Variants in AFDN observed in about 807,000 individuals in gnomAD.
The protein encoded by AFDN is afadin, adherens junction formation factor, also known as afadin.
A neutral mutation model predicts 216.6 loss-of-function variants in AFDN; 68 were observed. That is an observed-to-expected ratio of 0.31 (90% CI 0.26 to 0.38). The LOEUF (loss-of-function observed/expected upper bound fraction) is 0.38. Among genes scored for constraint, AFDN ranks in the 10% least tolerant of loss-of-function variants. The pLI is 1.00. For synonymous variants in AFDN, 868 were observed against 853.7 expected (o/e 1.02, Z -0.29); for missense variants, 2,136 against 2,342.0 (o/e 0.91, Z 1.82).
chr6:167,827,109 G>T lies in AFDN; in HGVS notation c.-24G>T, dbSNP rs1779171671. ...CCGTCCTCCGGCCCCGGCCCCGCGC[G>T]GCTGAGGAGGCGCGGCCAGGACCAT... On this transcript the variant is annotated 5_prime_UTR_variant, in exon 1 of 34. Coordinates refer to ENST00000683244, the MANE Select transcript of AFDN (RefSeq NM_001386888.1). 1.6e-6 allele frequency: 2 copies of T among 1,218,686 alleles called. No homozygotes were observed. The highest frequency in any genetic ancestry group is 7.2e-5 in the East Asian group (1 of 13,832). The allele number at this position is 1,218,686 out of a possible 1,614,324, so 75.5% of individuals were successfully genotyped here.
Position 167,914,714 on chromosome 6 carries a change from A to G in AFDN, c.2275A>G (p.Asn759Asp). 2 of 1,612,624 alleles carry G rather than the reference A, an allele frequency of 1.2e-6. No individual in the cohort carries two copies. Among genetic ancestry groups the G allele is most frequent in the Non-Finnish European group, 1.7e-6 (2 of 1,178,784 alleles). Residue 759 changes from asparagine to aspartate, a missense_variant, in exon 18 of 34, where the codon AAC becomes GAC. Physicochemically the swap from Asn to Asp is conservative, Grantham distance 23. Coordinates refer to ENST00000683244, the MANE Select transcript of AFDN (RefSeq NM_001386888.1). ...MPAFLDDPEE[N>D]SLQRPKIDDV... ...AGCCTTTCTAGATGACCCTGAAGAG[A>G]ACAGTCTGCAACGACCAAAAATAGG...
chr6:167,850,430 T>C (rs1782169481), intron 1 of AFDN, among the ~76,000 whole-genome samples: 1 of 152,126 alleles, frequency 6.6e-6, no homozygotes, highest in Non-Finnish European at 1.5e-5. Context: ...TTGGAGTAGG[T>C]TGAGTGCTGT....
chr6:167,896,288 C>T (rs1383461542), intron 9 of AFDN, among the ~76,000 whole-genome samples: 1 of 151,430 alleles, frequency 6.6e-6, no homozygotes, highest in East Asian at 1.9e-4. Flanking sequence ...AGGGAGCTAA[C>T]CACTTTTAAC....
At chr6:167,865,043 C>T (rs1445897562) in intron 2 of AFDN, among the ~76,000 whole-genome samples, 1 of 152,146 alleles carries the variant, frequency 6.6e-6, no homozygotes, top group Non-Finnish European at 1.5e-5. Flanking sequence ...GTGTCACATA[C>T]ATTGTGTAGT....
At chr6:167,873,135 C>G (rs895340701) in intron 4 of AFDN, among the ~76,000 whole-genome samples, 1 of 152,108 alleles carries the variant, frequency 6.6e-6, no homozygotes, top group Non-Finnish European at 1.5e-5. Context: ...TTTCCGTAAT[C>G]AAATAATGTA....
intron 23 of AFDN, among the ~76,000 whole-genome samples, chr6:167,929,479 T>C (rs1793006481): frequency 6.6e-6 from 1 of 152,152 alleles, no homozygotes; most frequent in Non-Finnish European, 1.5e-5. Flanking sequence ...ACCTGCAAAT[T>C]TGTGACTCCT....
intron 2 of AFDN, 84 bp downstream of exon 2, chr6:167,864,830 A>G (rs1181009327): frequency 1.8e-5 from 24 of 1,343,246 alleles, no homozygotes; most frequent in Non-Finnish European, 2.2e-5. Flanking sequence ...TGGTCATGTC[A>G]GGTTTACTGC....
chr6:167,968,953 A>G, intron 32 of AFDN, 161 bp from the exon 33 acceptor site: 1 of 614,320 alleles, frequency 1.6e-6, no homozygotes, highest in Non-Finnish European at 2.9e-6. Flanking sequence ...ACAGGGATGA[A>G]TTTCAAACTG....
chr6:167,888,098 A>G (rs1334817202), intron 6 of AFDN, among the ~76,000 whole-genome samples: 1 of 152,178 alleles, frequency 6.6e-6, no homozygotes, highest in African/African-American at 2.4e-5. Flanking sequence ...TTGGCTCTAA[A>G]TGTTTGATAA....
At position 167,889,331 on chromosome 6, in the gene AFDN, TA is replaced by T. The variant is rs1562615577; in HGVS notation, c.1009+7del. 1 of 1,581,886 alleles carries T rather than the reference TA, an allele frequency of 6.3e-7. No homozygotes were observed. Among genetic ancestry groups the T allele is most frequent in the South Asian group, 1.1e-5 (1 of 90,234 alleles). On this transcript the variant is annotated splice_donor_region_variant and intron_variant, in intron 7 of 33. Transcript: ENST00000683244. ...GGGAATGGCCAAGTGACAAAGGTAG[TA>T]ACCTTATTAAAGGATTACTTACACC...
intron 1 of AFDN, among the ~76,000 whole-genome samples, chr6:167,854,613 G>C (rs909946664): frequency 6.6e-6 from 1 of 151,784 alleles, no homozygotes; most frequent in Admixed American, 6.6e-5. Flanking sequence ...TTAATGTACA[G>C]TGTGATGTAT....
chr6:167,837,976 T>C (rs1485610481), intron 1 of AFDN, among the ~76,000 whole-genome samples: 1 of 152,242 alleles, frequency 6.6e-6, no homozygotes, highest in Non-Finnish European at 1.5e-5. Flanking sequence ...TGTGCATATA[T>C]ATTTATTTCA....
chr6:167,913,269 G>A lies in AFDN; in HGVS notation c.2038-134G>A, dbSNP rs1790632474. 4.8e-6 allele frequency: 4 copies of A among 835,118 alleles called. No homozygotes were observed. In the African/African-American group the frequency reaches 5.1e-5, roughly 11 times the overall value. 51.7% of individuals were successfully genotyped at this position (835,118 alleles called of 1,614,324 possible). The stretch of plus-strand genomic sequence containing the variant: ...ACCATAAATGAAAATGTTATTTTGG[G>A]AATAACATAACTAAATGTCGTACCT... On this transcript the variant is annotated intron_variant, in intron 15 of 33. Coordinates refer to ENST00000683244, the MANE Select transcript of AFDN (RefSeq NM_001386888.1).
At chr6:167,919,582 G>A (rs1025284781) in intron 21 of AFDN, among the ~76,000 whole-genome samples, 18 of 152,250 alleles carry the variant, frequency 1.2e-4, no homozygotes, top group Admixed American at 9.2e-4. Context: ...CTGTGTGCTG[G>A]CAAGACCCAA....
At chr6:167,940,140 C>G (rs1794505782) in intron 23 of AFDN, among the ~76,000 whole-genome samples, 1 of 152,178 alleles carries the variant, frequency 6.6e-6, no homozygotes, top group Admixed American at 6.5e-5. Context: ...GCATCTGGGA[C>G]TGGGCTGGAG....
chr6:167,913,398 TC>T lies in AFDN; in HGVS notation c.2038-3del. On this transcript the variant is annotated splice_polypyrimidine_tract_variant and splice_region_variant and intron_variant, in intron 15 of 33. Coordinates refer to ENST00000683244, the MANE Select transcript of AFDN (RefSeq NM_001386888.1). ...CTTGATTTCCCCTCGTCTGTTTTTC[TC>T]CAGGAAGTAGACCAGGTTGACCAGG... 6.5e-7 allele frequency: 1 copy of T among 1,536,000 alleles called. No individual in the cohort carries two copies. The highest frequency in any genetic ancestry group is 8.7e-7 in the Non-Finnish European group (1 of 1,146,808).
chr6:167,962,743 C>CCT lies in AFDN; in HGVS notation c.4968+181_4968+182dup. 1.3e-6 allele frequency: 2 copies of CCT among 1,487,014 alleles called. No homozygotes were observed. The highest frequency in any genetic ancestry group is 2.3e-5 in the East Asian group (1 of 42,912). The allele number at this position is 1,487,014 out of a possible 1,614,324, so 92.1% of individuals were successfully genotyped here. Reference sequence around the variant, plus strand: ...AACTTTACCCCATCTGGCCCACCTACCTCTCTTCTGGACTGTCTCCAGATC... The same window carrying CCT: ...AACTTTACCCCATCTGGCCCACCTACCTCTCTCTTCTGGACTGTCTCCAGATC... On this transcript the variant is annotated intron_variant, in intron 31 of 33. Transcript: ENST00000683244. This position sits in a 1 kb window ranked among gnomAD's most constrained non-coding sequence, Gnocchi z 5.2.
At chr6:167,859,963 T>C (rs188187656) in intron 1 of AFDN, among the ~76,000 whole-genome samples, 1,549 of 151,728 alleles carry the variant, frequency 0.01, 30 homozygotes, top group African/African-American at 0.036. Context: ...GCAGGAGAAA[T>C]AACCATTAAG....
chr6:167,964,774 T>C, intron 31 of AFDN: 1 of 1,066,110 alleles, frequency 9.4e-7, no homozygotes, highest in Non-Finnish European at 1.1e-6. Context: ...GTTGAACAAA[T>C]TTACAATTCA....
Sources: allele counts gnomAD v4.1 joint callset (sites outside exome capture counted in the v4.1 genomes callset), GRCh38; gene constraint gnomAD v4.1.1; non-coding constraint Gnocchi (gnomAD v3.1); transcripts MANE v1.5; gene names NCBI Gene and HGNC (gene_info 2026-07-23, HGNC 2026-07-21).